FBXO38: variants seen among roughly 807,000 people sequenced by gnomAD.
FBXO38 encodes F-box only protein 38.
In FBXO38, 53 loss-of-function variants were observed where a neutral mutation model predicts 131.9. The observed-to-expected ratio is 0.40, with a 90% confidence interval of 0.32 to 0.51. The LOEUF is 0.51. Among genes scored for constraint, FBXO38 ranks in the 20% least tolerant of loss-of-function variants. FBXO38 has a pLI of 0.53. For synonymous variants in FBXO38, 452 were observed against 505.6 expected, an observed-to-expected ratio of 0.89 and a Z score of 1.42; for missense variants, 1,076 against 1,475.6, an observed-to-expected ratio of 0.73 and a Z score of 4.44.
intron 9 of FBXO38, among the ~76,000 whole-genome samples, chr5:148,412,139 A>G (rs1197766041): frequency 6.6e-6 from 1 of 152,160 alleles, no homozygotes; most frequent in Non-Finnish European, 1.5e-5. Context: ...AGTTTTCAAC[A>G]CAACTTGTTT....
At chr5:148,394,200 A>G (rs1307688466) in intron 1 of FBXO38, among the ~76,000 whole-genome samples, 1 of 152,124 alleles carries the variant, frequency 6.6e-6, no homozygotes, top group African/African-American at 2.4e-5. Context: ...CTCTGACTTT[A>G]TAGGTGAGAG....
chr5:148,390,586 G>T (rs1173359025), intron 1 of FBXO38, among the ~76,000 whole-genome samples: 1 of 152,186 alleles, frequency 6.6e-6, no homozygotes, highest in African/African-American at 2.4e-5. Flanking sequence ...TTGCTAGTTA[G>T]TGTTAAAGGA....
intron 12 of FBXO38, among the ~76,000 whole-genome samples, chr5:148,418,952 T>C (rs999653193): frequency 2.0e-5 from 3 of 152,214 alleles, no homozygotes; most frequent in Non-Finnish European, 4.4e-5. Flanking sequence ...ATTTGATTTA[T>C]AAATACGGTT....
chr5:148,398,026 A>G (rs1751905855), intron 2 of FBXO38, among the ~76,000 whole-genome samples: 1 of 152,096 alleles, frequency 6.6e-6, no homozygotes, highest in African/African-American at 2.4e-5. Flanking sequence ...TGCCACCTGG[A>G]GCCCTCCAGC....
At chr5:148,429,273 A>G (rs1665203185) in intron 15 of FBXO38, among the ~76,000 whole-genome samples, 1 of 151,240 alleles carries the variant, frequency 6.6e-6, no homozygotes, top group African/African-American at 2.4e-5. Context: ...TCCTTTATTC[A>G]TTGATTTCAG....
At chr5:148,406,452 A>C (rs760357424) in intron 7 of FBXO38, 58 bp downstream of exon 7, 1 of 1,352,302 alleles carries the variant, frequency 7.4e-7, no homozygotes, top group Non-Finnish European at 9.8e-7. Context: ...AATAATCATT[A>C]AGCTTTTATT....
At chr5:148,398,800 A>T (rs1447719049) in intron 2 of FBXO38, among the ~76,000 whole-genome samples, 199 bp from the exon 3 acceptor site, 1 of 151,828 alleles carries the variant, frequency 6.6e-6, no homozygotes, top group South Asian at 2.1e-4. Flanking sequence ...TCAATACCTT[A>T]TTTGGATACT....
In FBXO38 at chr5:148,433,731, A is replaced by G. The variant is rs1401680985; in HGVS notation, c.2851A>G (p.Ile951Val). Reference protein sequence around the residue: ...VLKDCPKMMFIHATRCRVLKH... With the variant: ...VLKDCPKMMFVHATRCRVLKH... ...AAAAGACTGTCCAAAGATGATGTTC[A>G]TCCATGGTATGTATTTGGGCCCATA... The change falls in exon 17 of 22, where the codon ATC becomes GTC. Residue 951 changes from isoleucine (I) to valine (V), a missense_variant. By Grantham distance (29) the Ile-to-Val change is conservative. Coordinates refer to ENST00000340253, the MANE Select transcript of FBXO38 (RefSeq NM_205836.3). 1 of 1,590,338 alleles carries G rather than the reference A, an allele frequency of 6.3e-7. No homozygotes were observed.
intron 8 of FBXO38, 42 bp from the exon 9 acceptor site, chr5:148,410,593 G>A: frequency 6.2e-7 from 1 of 1,607,542 alleles, no homozygotes; most frequent in African/African-American, 1.3e-5. Flanking sequence ...GATTCTGATG[G>A]TTTTTGTTTT....
intron 21 of FBXO38, 149 bp downstream of exon 21, chr5:148,441,386 C>A (rs1432962382): frequency 1.6e-5 from 10 of 619,162 alleles, no homozygotes; most frequent in South Asian, 9.7e-5. Flanking sequence ...CAAAACAGTT[C>A]TTTATTTGTG....
At chr5:148,401,430 C>CG (rs1445680481) in intron 3 of FBXO38, among the ~76,000 whole-genome samples, 1 of 151,972 alleles carries the variant, frequency 6.6e-6, no homozygotes, top group African/African-American at 2.4e-5. Flanking sequence ...TCTAAAATGG[C>CG]GGGGGAGTAA....
At chr5:148,385,347 AGAG>A (rs1657096766) in intron 1 of FBXO38, among the ~76,000 whole-genome samples, 1 of 152,220 alleles carries the variant, frequency 6.6e-6, no homozygotes, top group African/African-American at 2.4e-5. Flanking sequence ...AATGCATAGC[AGAG>A]GAGAAAAAGG....
At chr5:148,439,820 CT>C in intron 19 of FBXO38, 28 bp downstream of exon 19, 1 of 1,608,758 alleles carries the variant, frequency 6.2e-7, no homozygotes, top group East Asian at 2.2e-5. Context: ...CCTTAAAGGC[CT>C]TTTGAGTCAT....
chr5:148,396,880 A>G (rs1012192690), intron 2 of FBXO38, among the ~76,000 whole-genome samples: 1 of 152,178 alleles, frequency 6.6e-6, no homozygotes, highest in Non-Finnish European at 1.5e-5. Flanking sequence ...TGCTGGAATT[A>G]CATGCATACA....
chr5:148,414,052 T>A (rs1307175925), intron 9 of FBXO38, 84 bp from the exon 10 acceptor site: 15 of 1,327,074 alleles, frequency 1.1e-5, no homozygotes, highest in Non-Finnish European at 1.4e-5. Flanking sequence ...CTTTTTATAC[T>A]GACTGGTAAG....
rs1420907423 is a variant in FBXO38, at chr5:148,393,188, G to GGGTGT, written c.-63-1525_-63-1524insGTGTG. 2.3e-3 allele frequency among the ~76,000 whole-genome samples: 291 copies of GGGTGT among 127,082 alleles called. 2 individuals carry two copies. Among genetic ancestry groups the GGGTGT allele is most frequent in the African/African-American group, 8.8e-3 (288 of 32,840 alleles). The allele number at this position is 127,082 out of a possible 152,430, so 83.4% of individuals were successfully genotyped here. A position where few individuals can be genotyped will look rare whatever the true frequency, so the allele number is the denominator to read the frequency against. On this transcript the variant is annotated intron_variant, in intron 1 of 21. Transcript: ENST00000340253. ...TACTGGTTAGAAACAACAGAAGAGG[G>GGGTGT]GTGTGTGTGTGTGTGTGTGTGTGTG...
chr5:148,410,823 T>C, intron 9 of FBXO38, 58 bp downstream of exon 9: 1 of 1,509,854 alleles, frequency 6.6e-7, no homozygotes, highest in South Asian at 1.2e-5. Context: ...CTTGACAAAC[T>C]GAAATCTGAA....
In FBXO38 at chr5:148,391,683, T is replaced by C. The variant is rs558738394; in HGVS notation, c.-63-3031T>C. 1.0e-3 allele frequency among the ~76,000 whole-genome samples: 153 copies of C among 152,356 alleles called. 1 individual carries two copies. The East Asian group carries it at 0.024, about 24-fold the overall frequency. On this transcript the variant is annotated intron_variant, in intron 1 of 21. Transcript: ENST00000340253. Reference sequence around the variant, plus strand: ...TTGAGATTAGATTGGAAATATTTTATCCTCTGAACCAGGATTCCTTGTAGG... The same window carrying C: ...TTGAGATTAGATTGGAAATATTTTACCCTCTGAACCAGGATTCCTTGTAGG...
At position 148,425,315 on chromosome 5, in the gene FBXO38, A is replaced by G. The variant is rs1213184624; in HGVS notation, c.1739-207A>G. ...ATGCATCAAGTTGGTTGGCATATTA[A>G]TCATATTTAATGTTGACATAATGGT... On this transcript the variant is annotated intron_variant, in intron 13 of 21. Transcript: ENST00000340253. Among the ~76,000 whole-genome samples, 6 of 152,298 alleles carry G rather than the reference A, an allele frequency of 3.9e-5. No individual in the cohort carries two copies. In the East Asian group the frequency reaches 1.2e-3, roughly 29 times the overall value.
Sources: allele counts gnomAD v4.1 joint callset (sites outside exome capture counted in the v4.1 genomes callset), GRCh38; gene constraint gnomAD v4.1.1; transcripts MANE v1.5; gene names NCBI Gene and HGNC (gene_info 2026-07-23, HGNC 2026-07-21).